Variants in AP2B1 observed in about 807,000 individuals in gnomAD.
The protein encoded by AP2B1 is AP-2 complex subunit beta.
Under a neutral mutation model 102.0 loss-of-function variants are expected in AP2B1, and 23 were observed. That is an observed-to-expected ratio of 0.23 (90% confidence interval 0.16 to 0.32). AP2B1 has a LOEUF of 0.32. Ranked by LOEUF, AP2B1 falls within the 10% of genes least tolerant of loss-of-function variation. The pLI is 1.00. For missense variants in AP2B1, 541 were observed against 1,157.4 expected, an observed-to-expected ratio of 0.47 and a Z score of 7.73; for synonymous variants, 381 against 421.2, an observed-to-expected ratio of 0.90 and a Z score of 1.17.
chr17:35,627,037 C>A (rs758852529), intron 7 of AP2B1, among the ~76,000 whole-genome samples, 195 bp downstream of exon 7: 1 of 152,072 alleles, frequency 6.6e-6, no homozygotes, highest in Admixed American at 6.6e-5. Flanking sequence ...AAATGCCATG[C>A]GTTGCTCCAC....
Position 35,726,114 on chromosome 17 carries a change from C to T in AP2B1, c.*2415C>T, listed in dbSNP as rs1177236368. Reference sequence around the variant, plus strand: ...GAGGTTGCCCTGCATCCCCCCTCCTCTGCCTGAGTGTGTCTTTGTAATGTC... The same window carrying T: ...GAGGTTGCCCTGCATCCCCCCTCCTTTGCCTGAGTGTGTCTTTGTAATGTC... On this transcript the variant is annotated 3_prime_UTR_variant, in exon 22 of 22. Transcript: ENST00000610402. 6.6e-6 allele frequency: 1 copy of T among 152,208 alleles called. No individual in the cohort carries two copies. Among genetic ancestry groups the T allele is most frequent in the Non-Finnish European group, 1.5e-5 (1 of 68,036 alleles). 9.4% of individuals were successfully genotyped at this position (152,208 alleles called of 1,614,324 possible). A position where few individuals can be genotyped will look rare whatever the true frequency, so the allele number is the denominator to read the frequency against.
chr17:35,605,352 G>A lies in AP2B1; in HGVS notation c.144-353G>A, dbSNP rs188746437. Among the ~76,000 whole-genome samples the A allele has an allele frequency of 2.3e-3, 352 of 151,202 alleles. 1 individual carries two copies. The highest frequency in any genetic ancestry group is 7.6e-3 in the African/African-American group (314 of 41,170). ...CAAACTCTGCCTCCCAGGTTCAAAC[G>A]ATTCTCCTGTCTCAGCCTCCTGAGT... On this transcript the variant is annotated intron_variant, in intron 3 of 21. Transcript: ENST00000610402.
At chr17:35,693,264 C>T (rs587753463) in intron 18 of AP2B1, among the ~76,000 whole-genome samples, 29 of 152,158 alleles carry the variant, frequency 1.9e-4, no homozygotes, top group African/African-American at 6.0e-4. Context: ...TCAAGTAATC[C>T]GCCCACCTCG....
At chr17:35,627,285 G>T in intron 7 of AP2B1, 100 bp from the exon 8 acceptor site, 2 of 684,484 alleles carry the variant, frequency 2.9e-6, no homozygotes, top group Non-Finnish European at 4.3e-6. Context: ...AGTGGAGCGA[G>T]AGGAGAGCAG....
intron 21 of AP2B1, among the ~76,000 whole-genome samples, chr17:35,720,374 G>A (rs1474747424): frequency 6.6e-6 from 1 of 150,902 alleles, no homozygotes; most frequent in African/African-American, 2.4e-5. Context: ...CCAGAAGAGA[G>A]GGTTGCAGGG....
chr17:35,613,283 C>T (rs2073920656), intron 5 of AP2B1, among the ~76,000 whole-genome samples: 1 of 150,696 alleles, frequency 6.6e-6, no homozygotes, highest in Non-Finnish European at 1.5e-5. Flanking sequence ...ACTTTGAAAT[C>T]TTCTAATATG....
intron 14 of AP2B1, among the ~76,000 whole-genome samples, chr17:35,658,138 C>G (rs544401625): frequency 4.6e-5 from 7 of 152,286 alleles, no homozygotes; most frequent in Non-Finnish European, 7.4e-5. Flanking sequence ...CACATAAATT[C>G]TCCTTTTGAC....
At position 35,605,789 on chromosome 17, in the gene AP2B1, C is replaced by T. The variant is rs148058193; in HGVS notation, c.228C>T (p.Tyr76=). 2.5e-5 allele frequency: 40 copies of T among 1,613,956 alleles called. No homozygotes were observed. Among genetic ancestry groups the T allele is most frequent in the East Asian group, 1.1e-4 (5 of 44,904 alleles). The change falls in exon 4 of 22, where the codon TAC becomes TAT. Residue 76 remains tyrosine, a synonymous_variant. Transcript: ENST00000610402. ...TTGTGTATCTCTACTTGATGAACTA[C>T]GCCAAGAGTCAGCCAGACATGGCCA... ...KKLVYLYLMN[Y]AKSQPDMAIM...
rs1327816380 is a variant in AP2B1, at chr17:35,724,289, C to T, written c.*590C>T. On this transcript the variant is annotated 3_prime_UTR_variant, in exon 22 of 22. Transcript: ENST00000610402. ...ATTTGGATTTTCAGTTTGCTTTTTT[C>T]TTTTTTTCCCCTCCAAACTCCTTTT... 6 of 152,186 alleles carry T rather than the reference C, an allele frequency of 3.9e-5. No individual in the cohort carries two copies. Among genetic ancestry groups the T allele is most frequent in the African/African-American group, 1.4e-4 (6 of 41,422 alleles). 9.4% of individuals were successfully genotyped at this position (152,186 alleles called of 1,614,324 possible). A position where few individuals can be genotyped will look rare whatever the true frequency, so the allele number is the denominator to read the frequency against.
chr17:35,636,457 G>A lies in AP2B1; in HGVS notation c.1271+1G>A. On this transcript the variant is annotated splice_donor_variant, in intron 10 of 21. Coordinates refer to ENST00000610402, the MANE Select transcript of AP2B1 (RefSeq NM_001030006.2). LOFTEE classifies it high-confidence loss of function. ...ACATCTTCCGCAAATACCCCAACAA[G>A]TATGTCCAAATACCTTTACCCCTCT... 1 of 1,608,132 alleles carries A rather than the reference G, an allele frequency of 6.2e-7. No individual in the cohort carries two copies. Among genetic ancestry groups the A allele is most frequent in the Non-Finnish European group, 8.5e-7 (1 of 1,174,686 alleles).
At chr17:35,605,206 A>C (rs2073628376) in intron 3 of AP2B1, among the ~76,000 whole-genome samples, 1 of 151,006 alleles carries the variant, frequency 6.6e-6, no homozygotes, top group Admixed American at 6.6e-5. Context: ...TGTCTGGCCT[A>C]CAGTTTCTTT....
Position 35,717,367 on chromosome 17 carries a change from A to G in AP2B1, c.2781+18A>G. The G allele has an allele frequency of 1.2e-6, 2 of 1,613,926 alleles. No homozygotes were observed. Among genetic ancestry groups the G allele is most frequent in the Non-Finnish European group, 1.7e-6 (2 of 1,179,810 alleles). Reference sequence around the variant, plus strand: ...ATTACACGGTAAGGCCTTTCTCAGAATGGGTGAGATGGATTAGAGGAGGGA... The same window carrying G: ...ATTACACGGTAAGGCCTTTCTCAGAGTGGGTGAGATGGATTAGAGGAGGGA... On this transcript the variant is annotated intron_variant, in intron 21 of 21. Transcript: ENST00000610402.
intron 12 of AP2B1, among the ~76,000 whole-genome samples, chr17:35,647,960 C>T (rs2074982442): frequency 6.7e-6 from 1 of 148,954 alleles, no homozygotes; most frequent in African/African-American, 2.5e-5. Context: ...GACTTGATCT[C>T]AGCTCAATGC....
chr17:35,604,282 A>C (rs1413009694), intron 3 of AP2B1, among the ~76,000 whole-genome samples: 2 of 151,618 alleles, frequency 1.3e-5, no homozygotes, highest in African/African-American at 4.8e-5. Flanking sequence ...TAATTTTTAA[A>C]ATTATTTATA....
chr17:35,607,018 G>T (rs1170263071), intron 4 of AP2B1, among the ~76,000 whole-genome samples: 3 of 151,318 alleles, frequency 2.0e-5, no homozygotes, highest in Admixed American at 6.6e-5. Flanking sequence ...TGATTCTCCT[G>T]CCTCATCCTC....
chr17:35,616,845 C>G (rs1598053187), intron 5 of AP2B1, among the ~76,000 whole-genome samples: 1 of 152,274 alleles, frequency 6.6e-6, no homozygotes, highest in East Asian at 1.9e-4. Flanking sequence ...AACTCAGGCT[C>G]TAGAACCAAA....
chr17:35,650,964 C>G (rs2075071926), intron 13 of AP2B1, 175 bp downstream of exon 13: 1 of 646,032 alleles, frequency 1.5e-6, no homozygotes, highest in Non-Finnish European at 2.6e-6. Context: ...TATACAACCC[C>G]AGGGAGCTCC....
At chr17:35,663,985 C>T (rs959313042) in intron 14 of AP2B1, among the ~76,000 whole-genome samples, 3 of 152,142 alleles carry the variant, frequency 2.0e-5, no homozygotes, top group African/African-American at 7.2e-5. Context: ...CCTTGAGCTC[C>T]TGGGCTCAAG....
At position 35,674,165 on chromosome 17, in the gene AP2B1, C is replaced by T. The variant is rs201148544; in HGVS notation, c.2179-11C>T. ...TTGTCTGATTCTATTGAGCTTTATA[C>T]TGTGTTTCAGGTCTGGCTACCTGCA... On this transcript the variant is annotated splice_polypyrimidine_tract_variant and intron_variant, in intron 16 of 21. Coordinates refer to ENST00000610402, the MANE Select transcript of AP2B1 (RefSeq NM_001030006.2). 1.0e-3 allele frequency: 1,610 copies of T among 1,613,466 alleles called. 1 individual carries two copies. Among genetic ancestry groups the T allele is most frequent in the Non-Finnish European group, 1.3e-3 (1,512 of 1,179,656 alleles).
Sources: allele counts gnomAD v4.1 joint callset (sites outside exome capture counted in the v4.1 genomes callset), GRCh38; gene constraint gnomAD v4.1.1; transcripts MANE v1.5; gene names NCBI Gene and HGNC (gene_info 2026-07-23, HGNC 2026-07-21).